The following RNGTT variants were observed in gnomAD, a reference collection of about 807,000 sequenced individuals.
The protein encoded by RNGTT is RNA guanylyltransferase and 5'-phosphatase.
In RNGTT, 33 loss-of-function variants were observed where a neutral mutation model predicts 79.3. That is an observed-to-expected ratio of 0.42 (90% CI 0.32 to 0.56). The LOEUF is 0.56. RNGTT is among the 20% of genes least tolerant of loss of function. The pLI is 0.17. For synonymous variants in RNGTT, 222 were observed against 235.9 expected (o/e 0.94, Z 0.54); for missense variants, 497 against 739.1 (o/e 0.67, Z 3.80).
At chr6:88,704,130 G>T (rs1381609774) in intron 13 of RNGTT, among the ~76,000 whole-genome samples, 6 of 151,484 alleles carry the variant, frequency 4.0e-5, no homozygotes, top group African/African-American at 9.7e-5. Context: ...CGTGGTGGCG[G>T]GCGCCTGTAA....
rs565462131 is a variant in RNGTT, at chr6:88,905,368, G to C, written c.444-413C>G. 8.5e-5 allele frequency among the ~76,000 whole-genome samples: 13 copies of C among 152,292 alleles called. No individual in the cohort carries two copies. In the South Asian group the frequency reaches 2.5e-3, roughly 29 times the overall value. ...TAAGAGTCTAGATCATCAAAGAGAG[G>C]ATAAGCATAGGCTAAATCTGACATA... On this transcript the variant is annotated intron_variant, in intron 5 of 15. Transcript: ENST00000369485.
chr6:88,913,655 A>G (rs568970583), intron 4 of RNGTT, among the ~76,000 whole-genome samples: 60 of 152,320 alleles, frequency 3.9e-4, no homozygotes, highest in South Asian at 6.2e-4. Flanking sequence ...ACAAAATCCA[A>G]CATTCCTGCA....
intron 13 of RNGTT, among the ~76,000 whole-genome samples, chr6:88,737,888 A>G (rs1291563486): frequency 6.6e-6 from 1 of 152,232 alleles, no homozygotes; most frequent in Non-Finnish European, 1.5e-5. Flanking sequence ...ATTATTACCA[A>G]TGTTAAATCC....
intron 4 of RNGTT, among the ~76,000 whole-genome samples, chr6:88,923,505 C>T (rs1444786162): frequency 1.3e-5 from 2 of 152,274 alleles, no homozygotes; most frequent in Admixed American, 1.3e-4. Context: ...CACTAACAGA[C>T]ATTATAATTT....
intron 8 of RNGTT, among the ~76,000 whole-genome samples, chr6:88,889,457 T>C (rs1782972999): frequency 1.3e-5 from 2 of 152,126 alleles, no homozygotes; most frequent in African/African-American, 2.4e-5. Flanking sequence ...GAGATGGAGA[T>C]GGCATGATAC....
At chr6:88,634,564 C>T (rs1362526198) in intron 14 of RNGTT, among the ~76,000 whole-genome samples, 1 of 151,988 alleles carries the variant, frequency 6.6e-6, no homozygotes, top group Non-Finnish European at 1.5e-5. Context: ...TGTGAGTCTG[C>T]CCTGAGTGTA....
At chr6:88,777,206 G>A (rs1231396092) in intron 12 of RNGTT, among the ~76,000 whole-genome samples, 1 of 152,088 alleles carries the variant, frequency 6.6e-6, no homozygotes, top group Non-Finnish European at 1.5e-5. Context: ...TGGTCTATGT[G>A]TATGTTTCTA....
intron 14 of RNGTT, among the ~76,000 whole-genome samples, chr6:88,675,017 G>A (rs1040367486): frequency 9.9e-5 from 15 of 151,674 alleles, no homozygotes; most frequent in Admixed American, 5.9e-4. Context: ...AGAATCACTT[G>A]AACTCGGGAG....
chr6:88,633,796 T>C (rs1370348937), intron 14 of RNGTT, among the ~76,000 whole-genome samples: 1 of 152,200 alleles, frequency 6.6e-6, no homozygotes, highest in African/African-American at 2.4e-5. Flanking sequence ...GTTTTTGTTT[T>C]TGTTTTTAAG....
chr6:88,949,298 G>A (rs1161752554), intron 1 of RNGTT, among the ~76,000 whole-genome samples: 1 of 101,644 alleles, frequency 9.8e-6, no homozygotes, highest in African/African-American at 4.0e-5. Flanking sequence ...GTCTTGCTCT[G>A]TTGCCCAGGC....
intron 11 of RNGTT, among the ~76,000 whole-genome samples, chr6:88,820,240 T>C (rs1449294205): frequency 6.6e-6 from 1 of 152,108 alleles, no homozygotes; most frequent in Non-Finnish European, 1.5e-5. Flanking sequence ...GGATGACTTA[T>C]CTGAGGCTAG....
At chr6:88,698,965 T>C (rs1775852739) in intron 13 of RNGTT, among the ~76,000 whole-genome samples, 1 of 152,172 alleles carries the variant, frequency 6.6e-6, no homozygotes, top group African/African-American at 2.4e-5. Flanking sequence ...TACGCATAAC[T>C]CTAAAATGTC....
At chr6:88,906,318 ATTT>A in intron 5 of RNGTT, 44 bp downstream of exon 5, 1 of 1,292,434 alleles carries the variant, frequency 7.7e-7, no homozygotes, top group Non-Finnish European at 1.1e-6. Context: ...TATCAATAAA[ATTT>A]TTTATTACAA....
intron 10 of RNGTT, among the ~76,000 whole-genome samples, chr6:88,846,295 T>C (rs1161336768): frequency 1.3e-5 from 2 of 152,224 alleles, no homozygotes; most frequent in Non-Finnish European, 2.9e-5. Flanking sequence ...TCTTTCAAAA[T>C]AGTAAAAGTA....
intron 12 of RNGTT, among the ~76,000 whole-genome samples, chr6:88,784,241 A>G (rs949451242): frequency 1.3e-5 from 2 of 152,210 alleles, no homozygotes; most frequent in African/African-American, 4.8e-5. Flanking sequence ...CACAGTACTT[A>G]ATATTCACCC....
intron 1 of RNGTT, among the ~76,000 whole-genome samples, chr6:88,950,924 C>A (rs981852494): frequency 6.6e-6 from 1 of 151,452 alleles, no homozygotes; most frequent in African/African-American, 2.4e-5. Context: ...AGTGGCGCGA[C>A]CTTGGCTCAC....
intron 4 of RNGTT, among the ~76,000 whole-genome samples, chr6:88,913,401 CA>C (rs750366454): frequency 1.3e-5 from 2 of 151,396 alleles, no homozygotes; most frequent in African/African-American, 2.4e-5. Context: ...GGCAAAAACA[CA>C]ACAAAAAAAA....
At chr6:88,613,783 CA>C (rs1772120120) in intron 15 of RNGTT, among the ~76,000 whole-genome samples, 1 of 152,194 alleles carries the variant, frequency 6.6e-6, no homozygotes, top group African/African-American at 2.4e-5. Flanking sequence ...CCAAAGCATT[CA>C]TATTGTACCC....
intron 14 of RNGTT, among the ~76,000 whole-genome samples, chr6:88,639,687 T>G (rs1303938533): frequency 6.6e-6 from 1 of 152,144 alleles, no homozygotes; most frequent in Admixed American, 6.5e-5. Context: ...ACCACAATAC[T>G]GAAAAATGCC....
Sources: allele counts gnomAD v4.1 joint callset (sites outside exome capture counted in the v4.1 genomes callset), GRCh38; gene constraint gnomAD v4.1.1; transcripts MANE v1.5; gene names NCBI Gene and HGNC (gene_info 2026-07-23, HGNC 2026-07-21).